Variants in ROBO2 observed in about 807,000 individuals in gnomAD.
ROBO2 encodes roundabout guidance receptor 2, also known as roundabout homolog 2.
A neutral mutation model predicts 160.8 loss-of-function variants in ROBO2; 53 were observed. The observed-to-expected ratio is 0.33, with a 90% confidence interval of 0.26 to 0.41. ROBO2 has a LOEUF of 0.41. Among genes scored for constraint, ROBO2 ranks in the 10% least tolerant of loss-of-function variants. The pLI is 1.00. For synonymous variants in ROBO2, 664 were observed against 611.7 expected, an observed-to-expected ratio of 1.09 and a Z score of -1.26; for missense variants, 1,577 against 1,722.4, an observed-to-expected ratio of 0.92 and a Z score of 1.49.
At chr3:75,987,134 A>G (rs1228983082) in intron 2 of ROBO2, among the ~76,000 whole-genome samples, 1 of 152,052 alleles carries the variant, frequency 6.6e-6, no homozygotes, top group East Asian at 1.9e-4. Context: ...CATAGTATTT[A>G]ATGTTAAGAT....
At chr3:77,105,008 C>T (rs2072591879) in intron 2 of ROBO2, among the ~76,000 whole-genome samples, 1 of 152,162 alleles carries the variant, frequency 6.6e-6, no homozygotes, top group Non-Finnish European at 1.5e-5. Flanking sequence ...GTTCTGAAAG[C>T]TGGCAATTTG....
rs766455067 is a variant in ROBO2, at chr3:77,602,265, T to A, written c.2910T>A (p.Asp970Glu). The A allele has an allele frequency of 3.1e-6, 5 of 1,614,194 alleles. No homozygotes were observed. The South Asian group carries it at 5.5e-5, about 18-fold the overall frequency. The change falls in exon 20 of 26, where the codon GAT (aspartate) becomes GAA (glutamate). Residue 970 changes from aspartate to glutamate, a missense_variant. By Grantham distance (45) the Asp-to-Glu change is conservative. This residue lies in a region of ROBO2 where 637 missense variants were observed against 586.9 expected (regional missense o/e 1.09). Coordinates refer to ENST00000461745, the Ensembl canonical transcript of ROBO2. ...ATAAAACAGCAACGATGCTCTCAGATGGAGCCATTTATAGTAGCATTGACT... is the reference window on the plus strand; with the variant it reads ...ATAAAACAGCAACGATGCTCTCAGAAGGAGCCATTTATAGTAGCATTGACT...
intron 2 of ROBO2, among the ~76,000 whole-genome samples, chr3:76,239,725 A>G (rs1236847013): frequency 2.6e-5 from 4 of 152,190 alleles, no homozygotes; most frequent in East Asian, 1.9e-4. Flanking sequence ...CAAAACAATC[A>G]TTGACACTTA....
chr3:76,750,409 C>T (rs1487059765), intron 2 of ROBO2, among the ~76,000 whole-genome samples: 5 of 152,062 alleles, frequency 3.3e-5, no homozygotes, highest in Non-Finnish European at 5.9e-5. Context: ...CCCTCTCTCA[C>T]CACTCCTATT....
At chr3:76,320,709 T>C (rs1282106314) in intron 2 of ROBO2, among the ~76,000 whole-genome samples, 4 of 152,232 alleles carry the variant, frequency 2.6e-5, no homozygotes, top group Non-Finnish European at 5.9e-5. Flanking sequence ...TTTTCATTTA[T>C]CTAACATAAT....
chr3:77,352,502 C>G (rs980094003), intron 2 of ROBO2, among the ~76,000 whole-genome samples: 2 of 152,060 alleles, frequency 1.3e-5, no homozygotes, highest in African/African-American at 4.8e-5. Context: ...CAATGACATC[C>G]TGATGGGAGA....
intron 2 of ROBO2, among the ~76,000 whole-genome samples, chr3:76,458,919 TG>T (rs923502900): frequency 1.3e-5 from 2 of 152,172 alleles, no homozygotes; most frequent in African/African-American, 2.4e-5. Flanking sequence ...GTGGGAATTC[TG>T]GGAGATACAA....
At chr3:77,322,858 G>GTA (rs1212216789) in intron 2 of ROBO2, among the ~76,000 whole-genome samples, 23 of 101,032 alleles carry the variant, frequency 2.3e-4, no homozygotes, top group African/African-American at 9.8e-4. Flanking sequence ...TTATACATAT[G>GTA]TATTATAATA....
intron 2 of ROBO2, among the ~76,000 whole-genome samples, chr3:76,436,587 G>A (rs1226263607): frequency 3.9e-5 from 6 of 152,020 alleles, no homozygotes; most frequent in Non-Finnish European, 7.4e-5. Context: ...AGATTGTCCT[G>A]TGATTTCTAC....
chr3:76,278,778 A>G (rs1359432596), intron 2 of ROBO2, among the ~76,000 whole-genome samples: 2 of 151,884 alleles, frequency 1.3e-5, no homozygotes, highest in Non-Finnish European at 2.9e-5. Context: ...AGAAAGAGGT[A>G]TGGGGTTTGA....
At chr3:76,155,837 A>G (rs921688201) in intron 2 of ROBO2, among the ~76,000 whole-genome samples, 14 of 152,204 alleles carry the variant, frequency 9.2e-5, no homozygotes, top group Non-Finnish European at 7.3e-5. Context: ...AAATGGTATT[A>G]CTGTCACTTA....
intron 6 of ROBO2, among the ~76,000 whole-genome samples, chr3:77,534,860 CACTT>C (rs1263652330): frequency 1.3e-5 from 2 of 152,268 alleles, no homozygotes; most frequent in African/African-American, 4.8e-5. Context: ...TCTAGCATAA[CACTT>C]ACATGTGGTG....
chr3:77,629,564 T>G (rs1425071921), intron 23 of ROBO2: 1 of 152,210 alleles, frequency 6.6e-6, no homozygotes, highest in Non-Finnish European at 1.5e-5. Context: ...TGCCACTTAA[T>G]GTAAATTTTT....
chr3:76,601,591 C>T (rs900235368), intron 2 of ROBO2, among the ~76,000 whole-genome samples: 5 of 152,172 alleles, frequency 3.3e-5, no homozygotes, highest in Non-Finnish European at 4.4e-5. Context: ...CTTTTAGTCA[C>T]GGCCGGAGTG....
intron 2 of ROBO2, among the ~76,000 whole-genome samples, chr3:77,437,863 A>G (rs1232835569): frequency 6.6e-6 from 1 of 152,014 alleles, no homozygotes; most frequent in Non-Finnish European, 1.5e-5. Flanking sequence ...TCAATTCCTT[A>G]ATATCCAGAT....
intron 2 of ROBO2, among the ~76,000 whole-genome samples, chr3:76,185,564 C>G (rs912568913): frequency 3.9e-5 from 6 of 151,984 alleles, no homozygotes; most frequent in African/African-American, 1.4e-4. Context: ...GGTGGCATGA[C>G]TGCTGCCCAA....
chr3:76,057,192 G>T (rs914677392), intron 2 of ROBO2, among the ~76,000 whole-genome samples: 1 of 152,008 alleles, frequency 6.6e-6, no homozygotes, highest in Admixed American at 6.6e-5. Flanking sequence ...GATACTAGGC[G>T]TATGCGGGCT....
chr3:76,782,615 T>C (rs936880162), intron 2 of ROBO2, among the ~76,000 whole-genome samples: 1 of 150,840 alleles, frequency 6.6e-6, no homozygotes, highest in African/African-American at 2.4e-5. Flanking sequence ...ACTCATGACT[T>C]TGTTCTTTTG....
chr3:76,423,042 G>A (rs1197545948), intron 2 of ROBO2, among the ~76,000 whole-genome samples: 1 of 152,138 alleles, frequency 6.6e-6, no homozygotes, highest in Non-Finnish European at 1.5e-5. Context: ...CCTTTGAAAG[G>A]GGCCCATCAG....
Sources: gnomAD v4.1 joint callset for allele counts (sites outside exome capture counted in the v4.1 genomes callset) on GRCh38, gnomAD v4.1.1 for gene constraint, gnomAD v4.1.1 regional missense constraint, MANE v1.5 for transcripts, NCBI Gene and HGNC (gene_info 2026-07-23, HGNC 2026-07-21) for gene names.